The following CYP2C8 variants were observed in gnomAD, a reference collection of about 807,000 sequenced individuals.
CYP2C8 encodes cytochrome P450 2C8.
In CYP2C8, 51 loss-of-function variants were observed where a neutral mutation model predicts 41.3. The ratio of observed to expected loss-of-function variants is 1.24; its 90% confidence interval spans 0.99 to 1.56. The LOEUF is 1.56. CYP2C8 is among the 40% of genes most tolerant of loss of function. CYP2C8 has a pLI of 0.00. For synonymous variants in CYP2C8, 218 were observed against 205.8 expected (o/e 1.06, Z -0.51); for missense variants, 651 against 579.9 (o/e 1.12, Z -1.26).
rs771485242 is a variant in CYP2C8 at position 95,064,912 on chromosome 10, A to C, written c.530T>G (p.Val177Gly). The change falls in exon 4 of 9, where the codon GTG becomes GGG. Residue 177 changes from valine (V) to glycine (G), a missense_variant. Transcript: ENST00000371270. Reference protein sequence around the residue: ...TFILGCAPCNVICSVVFQKRF... With the variant: ...TFILGCAPCNGICSVVFQKRF... ...TTTCTGGAAAACAACGGAGCAGATC[A>C]CATTGCAGGGAGCACAGCCCAGGAT... is the stretch of plus-strand genomic sequence containing the variant. The C allele has an allele frequency of 1.9e-6, 3 of 1,613,190 alleles. No homozygotes were observed. In the South Asian group the frequency reaches 3.3e-5, roughly 18 times the overall value.
chr10:95,054,997 TAAAGTA>T (rs1455421331), intron 5 of CYP2C8, among the ~76,000 whole-genome samples: 3 of 152,012 alleles, frequency 2.0e-5, no homozygotes, highest in Admixed American at 6.6e-5. Flanking sequence ...CCCTAAAACT[TAAAGTA>T]TAATAATAAT....
Position 95,036,812 on chromosome 10 carries a change from C to A in CYP2C8, c.*316G>T. The A allele has an allele frequency of 2.8e-6, 1 of 351,994 alleles. No homozygotes were observed. The highest frequency in any genetic ancestry group is 5.4e-6 in the Non-Finnish European group (1 of 186,178). 21.8% of individuals were successfully genotyped at this position (351,994 alleles called of 1,614,324 possible). ...TAACACTTTTTATTTAGCACATTCA[C>A]AAAAGAAATGGATCTAAATTATCAT... On this transcript the variant is annotated 3_prime_UTR_variant, in exon 9 of 9. Coordinates refer to ENST00000371270, the MANE Select transcript of CYP2C8 (RefSeq NM_000770.3).
intron 3 of CYP2C8, among the ~76,000 whole-genome samples, chr10:95,066,271 C>T (rs36084004): frequency 0.22 from 32,628 of 148,934 alleles, 3,996 homozygotes; most frequent in Non-Finnish European, 0.29. Flanking sequence ...ATTTTATATC[C>T]CAGCTGATAA....
chr10:95,064,565 C>G (rs768017320), intron 4 of CYP2C8, among the ~76,000 whole-genome samples: 2 of 152,170 alleles, frequency 1.3e-5, no homozygotes, highest in Non-Finnish European at 2.9e-5. Context: ...ATTCCCTGAC[C>G]CCTTGCACTT....
At chr10:95,058,883 A>C (rs1056412486) in intron 4 of CYP2C8, among the ~76,000 whole-genome samples, 1 of 152,036 alleles carries the variant, frequency 6.6e-6, no homozygotes, top group Non-Finnish European at 1.5e-5. Flanking sequence ...TATGAATGAG[A>C]ATATGCAGTG....
At chr10:95,069,104 G>T in intron 1 of CYP2C8, 131 bp downstream of exon 1, 1 of 1,039,926 alleles carries the variant, frequency 9.6e-7, no homozygotes, top group Non-Finnish European at 1.5e-6. Flanking sequence ...CATCAAAGAA[G>T]TTCAGAGGGA....
intron 5 of CYP2C8, among the ~76,000 whole-genome samples, chr10:95,056,592 A>G (rs757075004): frequency 7.9e-5 from 12 of 152,210 alleles, no homozygotes; most frequent in Non-Finnish European, 1.8e-4. Flanking sequence ...GTACTATCAC[A>G]TGCTAAATCT....
At chr10:95,056,252 A>T (rs1589443150) in intron 5 of CYP2C8, among the ~76,000 whole-genome samples, 1 of 152,318 alleles carries the variant, frequency 6.6e-6, no homozygotes, top group East Asian at 1.9e-4. Context: ...AGAAAATTAC[A>T]AATATTGGCT....
At position 95,067,707 on chromosome 10, in the gene CYP2C8, CA is replaced by C; in HGVS notation, c.169-17del. 6.2e-7 allele frequency: 1 copy of C among 1,613,476 alleles called. No individual in the cohort carries two copies. On this transcript the variant is annotated splice_polypyrimidine_tract_variant and intron_variant, in intron 1 of 8. Transcript: ENST00000371270. The stretch of plus-strand genomic sequence containing the variant: ...CTTTTGAGAACTGGGAAAGGAAATG[CA>C]AATAGCAGCAAAATAAGTCGCTATT...
intron 5 of CYP2C8, among the ~76,000 whole-genome samples, chr10:95,053,210 A>G (rs969845035): frequency 5.9e-5 from 9 of 152,330 alleles, no homozygotes; most frequent in East Asian, 3.9e-4. Flanking sequence ...TAAAATTAAC[A>G]ATGAGATACC....
At chr10:95,064,747 TC>T in intron 4 of CYP2C8, 52 bp downstream of exon 4, 1 of 1,557,128 alleles carries the variant, frequency 6.4e-7, no homozygotes, top group South Asian at 1.1e-5. Flanking sequence ...AACCAAGTCT[TC>T]CCTACAACCT....
At chr10:95,051,591 G>A (rs571626024) in intron 5 of CYP2C8, among the ~76,000 whole-genome samples, 6 of 152,184 alleles carry the variant, frequency 3.9e-5, no homozygotes, top group Admixed American at 1.3e-4. Context: ...GTCCTGAATT[G>A]TATTGCCCAG....
Position 95,064,830 on chromosome 10 carries a change from G to A in CYP2C8, c.612C>T (p.Asn204=). 6.2e-7 allele frequency: 1 copy of A among 1,614,004 alleles called. No homozygotes were observed. Among genetic ancestry groups the A allele is most frequent in the Non-Finnish European group, 8.5e-7 (1 of 1,179,968 alleles). ...TCCATGGGGAGTTCAGAATCCTGAA[G>A]TTTTCATTGAATCTTTTCATCAGGG... ...FLTLMKRFNE[N]FRILNSPWIQ... The change falls in exon 4 of 9, where the codon AAC becomes AAT. Residue 204 remains asparagine (N), a synonymous_variant. Transcript: ENST00000371270.
intron 3 of CYP2C8, 83 bp downstream of exon 3, chr10:95,067,125 G>A (rs990050219): frequency 1.3e-6 from 2 of 1,594,450 alleles, no homozygotes; most frequent in Non-Finnish European, 1.7e-6. Flanking sequence ...TGAAGACCTG[G>A]CCACCCCTGA....
chr10:95,047,012 T>G (rs114501907), intron 5 of CYP2C8, among the ~76,000 whole-genome samples: 2,129 of 152,302 alleles, frequency 0.014, 56 homozygotes, highest in African/African-American at 0.049. Context: ...TTATTTCCCT[T>G]GATGTTATCC....
chr10:95,037,814 G>A (rs11572174), intron 8 of CYP2C8, among the ~76,000 whole-genome samples: 12,142 of 152,118 alleles, frequency 0.08, 609 homozygotes, highest in Middle Eastern at 0.16. Context: ...ATATCCTGTT[G>A]TTCATTTTGG....
At chr10:95,048,294 T>G (rs914150161) in intron 5 of CYP2C8, among the ~76,000 whole-genome samples, 1 of 152,212 alleles carries the variant, frequency 6.6e-6, no homozygotes, top group African/African-American at 2.4e-5. Context: ...AAATCTCTGA[T>G]GCCTCAGGCT....
chr10:95,068,703 C>A, intron 1 of CYP2C8: 2 of 903,298 alleles, frequency 2.2e-6, no homozygotes, highest in Non-Finnish European at 3.1e-6. Context: ...ACAATGACCC[C>A]AATGTTTCTG....
chr10:95,058,524 A>C lies in CYP2C8; in HGVS notation c.643-13T>G. The C allele has an allele frequency of 6.3e-7, 1 of 1,596,280 alleles. No individual in the cohort carries two copies. Among genetic ancestry groups the C allele is most frequent in the Non-Finnish European group, 8.6e-7 (1 of 1,168,140 alleles). On this transcript the variant is annotated splice_polypyrimidine_tract_variant and intron_variant, in intron 4 of 8. Coordinates refer to ENST00000371270, the MANE Select transcript of CYP2C8 (RefSeq NM_000770.3). ...AATTATTGCAGACCTAAAAGAGAAA[A>C]GAATATTAAATATAAACATGTCATA... is the stretch of plus-strand genomic sequence containing the variant.
Sources: gnomAD v4.1 joint callset for allele counts (sites outside exome capture counted in the v4.1 genomes callset) on GRCh38, gnomAD v4.1.1 for gene constraint, MANE v1.5 for transcripts, NCBI Gene and HGNC (gene_info 2026-07-23, HGNC 2026-07-21) for gene names.